Variants in DDHD1 observed in about 807,000 individuals in gnomAD.
DDHD1 encodes the protein DDHD domain containing 1.
A neutral mutation model predicts 96.4 loss-of-function variants in DDHD1; 49 were observed. The observed-to-expected ratio is 0.51, with a 90% CI of 0.40 to 0.64. The LOEUF (loss-of-function observed/expected upper bound fraction) is 0.64. Ranked by LOEUF, DDHD1 falls within the 30% of genes least tolerant of loss-of-function variation. The probability of loss-of-function intolerance (pLI) is 0.00; values close to 1 mark genes in which losing one functional copy is unlikely to be tolerated. For missense variants in DDHD1, 1,106 were observed against 1,161.2 expected (o/e 0.95, Z 0.69); for synonymous variants, 442 against 446.5 (o/e 0.99, Z 0.13).
chr14:53,054,735 G>A (rs932746179), intron 10 of DDHD1, 106 bp from the exon 11 acceptor site: 2 of 1,077,466 alleles, frequency 1.9e-6, no homozygotes, highest in South Asian at 1.8e-5. Context: ...CCAAACCCTA[G>A]TCATGTTTTT....
chr14:53,093,716 T>C (rs1395955513), intron 2 of DDHD1: 1 of 356,632 alleles, frequency 2.8e-6, no homozygotes, highest in Non-Finnish European at 5.1e-6. Context: ...ACCTCTAATA[T>C]ACAGCTTCTA....
At chr14:53,152,073 TG>T (rs975771608) in intron 1 of DDHD1, among the ~76,000 whole-genome samples, 187 bp downstream of exon 1, 15 of 152,114 alleles carry the variant, frequency 9.9e-5, no homozygotes, top group African/African-American at 3.4e-4. Context: ...CCAGGCAGCT[TG>T]GGTTTTGCCA....
At chr14:53,108,703 C>T (rs1322766670) in intron 1 of DDHD1, among the ~76,000 whole-genome samples, 7 of 152,194 alleles carry the variant, frequency 4.6e-5, no homozygotes, top group Admixed American at 4.6e-4. Flanking sequence ...TGTAGTCTCC[C>T]GAGATGGCTT....
At chr14:53,140,936 G>GTAGA (rs754009368) in intron 1 of DDHD1, among the ~76,000 whole-genome samples, 4 of 152,100 alleles carry the variant, frequency 2.6e-5, no homozygotes, top group Non-Finnish European at 5.9e-5. Context: ...ATCAAATAAA[G>GTAGA]TAGACTTCAA....
chr14:53,110,934 C>T (rs1027413486), intron 1 of DDHD1, among the ~76,000 whole-genome samples: 1 of 152,186 alleles, frequency 6.6e-6, no homozygotes. Context: ...TGAGATCACA[C>T]CATCGCACCT....
rs1881872469 is a variant in DDHD1 at position 53,044,450 on chromosome 14, TGG to T, written c.*2316_*2317del. 1 of 152,190 alleles carries T rather than the reference TGG, an allele frequency of 6.6e-6. No individual in the cohort carries two copies. The highest frequency in any genetic ancestry group is 2.1e-4 in the South Asian group (1 of 4,828). The allele number at this position is 152,190 out of a possible 1,614,324, so 9.4% of individuals were successfully genotyped here. A position where few individuals can be genotyped will look rare whatever the true frequency, so the allele number is the denominator to read the frequency against. On this transcript the variant is annotated 3_prime_UTR_variant, in exon 13 of 13. Transcript: ENST00000673822. ...GTAAAAAGGGCTCTTCATATTCTAG[TGG>T]TTAAGAATAAATCCCTTCAAGTTCT...
At chr14:53,069,108 G>A (rs542480724) in intron 6 of DDHD1, among the ~76,000 whole-genome samples, 1 of 152,088 alleles carries the variant, frequency 6.6e-6, no homozygotes, top group African/African-American at 2.4e-5. Flanking sequence ...GCTTAATTTG[G>A]CCCTGTGTTC....
chr14:53,139,609 C>G (rs1236880602), intron 1 of DDHD1, among the ~76,000 whole-genome samples: 1 of 152,056 alleles, frequency 6.6e-6, no homozygotes, highest in African/African-American at 2.4e-5. Flanking sequence ...TTACTTGAAC[C>G]TGGGAGGCAG....
intron 12 of DDHD1, among the ~76,000 whole-genome samples, chr14:53,050,412 G>A (rs1402528819): frequency 1.3e-5 from 2 of 152,066 alleles, no homozygotes; most frequent in African/African-American, 4.8e-5. Context: ...GATTTTCATA[G>A]GGTCAAACAA....
At chr14:53,137,955 G>A (rs538654122) in intron 1 of DDHD1, among the ~76,000 whole-genome samples, 38 of 152,212 alleles carry the variant, frequency 2.5e-4, no homozygotes, top group Non-Finnish European at 2.9e-4. Context: ...AAAAACGATA[G>A]CAAACTTCTC....
In DDHD1 at chr14:53,044,424, G is replaced by A. The variant is rs945612769; in HGVS notation, c.*2344C>T. The A allele has an allele frequency of 6.6e-6, 1 of 152,052 alleles. No homozygotes were observed. The highest frequency in any genetic ancestry group is 1.5e-5 in the Non-Finnish European group (1 of 67,994). 9.4% of individuals were successfully genotyped at this position (152,052 alleles called of 1,614,324 possible). Reference sequence around the variant, plus strand: ...GTCTGACATAATTTCACTCTTCTCAGGTAAAAAGGGCTCTTCATATTCTAG... The same window carrying A: ...GTCTGACATAATTTCACTCTTCTCAAGTAAAAAGGGCTCTTCATATTCTAG... On this transcript the variant is annotated 3_prime_UTR_variant, in exon 13 of 13. Transcript: ENST00000673822.
chr14:53,058,537 A>G lies in DDHD1; in HGVS notation c.1932T>C (p.His644=), dbSNP rs1883265386. ...IRPGNTGSQD[H]ILPREICNRL... ...GGTTACAAATCTCTCTAGGCAAAAT[A>G]TGGTCTTGACTTCCAGTATTTCCTG... Residue 644 remains histidine (H), a synonymous_variant, in exon 9 of 13, where the codon CAT becomes CAC. Transcript: ENST00000673822. The G allele has an allele frequency of 6.2e-7, 1 of 1,613,820 alleles. No homozygotes were observed. Among genetic ancestry groups the G allele is most frequent in the African/African-American group, 1.3e-5 (1 of 75,058 alleles).
At chr14:53,051,960 G>T in intron 11 of DDHD1, 33 bp from the exon 12 acceptor site, 1 of 1,518,050 alleles carries the variant, frequency 6.6e-7, no homozygotes, top group Non-Finnish European at 9.0e-7. Flanking sequence ...GCTGTAAAGG[G>T]TTGGCTGATG....
chr14:53,080,572 G>C (rs1885373727), intron 4 of DDHD1, among the ~76,000 whole-genome samples: 1 of 151,072 alleles, frequency 6.6e-6, no homozygotes. Flanking sequence ...TTTTTTCCTA[G>C]ACAATATATT....
At chr14:53,082,509 A>T (rs1265538588) in intron 4 of DDHD1, among the ~76,000 whole-genome samples, 1 of 144,650 alleles carries the variant, frequency 6.9e-6, no homozygotes, top group Non-Finnish European at 1.5e-5. Flanking sequence ...CTGTGATCCC[A>T]GCACATTGGG....
At chr14:53,131,260 A>G (rs976239575) in intron 1 of DDHD1, among the ~76,000 whole-genome samples, 1 of 151,948 alleles carries the variant, frequency 6.6e-6, no homozygotes, top group Non-Finnish European at 1.5e-5. Context: ...GCATCTTCCT[A>G]TTGTATCCCC....
intron 1 of DDHD1, among the ~76,000 whole-genome samples, chr14:53,117,076 A>G (rs549857408): frequency 2.0e-5 from 3 of 152,300 alleles, no homozygotes; most frequent in East Asian, 3.9e-4. Flanking sequence ...GATAAAAGGG[A>G]TATCACCACT....
At chr14:53,146,768 G>A (rs1891012548) in intron 1 of DDHD1, among the ~76,000 whole-genome samples, 1 of 152,040 alleles carries the variant, frequency 6.6e-6, no homozygotes, top group African/African-American at 2.4e-5. Context: ...TTATGGGTAC[G>A]ATTTTTCTTT....
At chr14:53,122,947 CAGA>C (rs1889117713) in intron 1 of DDHD1, among the ~76,000 whole-genome samples, 3 of 151,678 alleles carry the variant, frequency 2.0e-5, no homozygotes, top group Admixed American at 2.0e-4. Context: ...AACATTTTTA[CAGA>C]AGGAGAAACC....
Sources: gnomAD v4.1 joint callset for allele counts (sites outside exome capture counted in the v4.1 genomes callset) on GRCh38, gnomAD v4.1.1 for gene constraint, MANE v1.5 for transcripts, NCBI Gene and HGNC (gene_info 2026-07-23, HGNC 2026-07-21) for gene names.